The following CFAP46 variants were observed in gnomAD, a reference collection of about 807,000 sequenced individuals.
The protein encoded by CFAP46 is cilia and flagella associated protein 46.
Under a neutral mutation model 325.7 loss-of-function variants are expected in CFAP46, and 245 were observed. That is an observed-to-expected ratio of 0.75 (90% CI 0.68 to 0.84). The LOEUF (loss-of-function observed/expected upper bound fraction) is 0.84, where lower values mean the gene tolerates loss of function less well. CFAP46 is among the 40% of genes least tolerant of loss of function. The pLI is 0.00. For synonymous variants in CFAP46, 1,523 were observed against 1,495.9 expected (o/e 1.02, Z -0.42); for missense variants, 3,346 against 3,543.0 (o/e 0.94, Z 1.41).
intron 48 of CFAP46, among the ~76,000 whole-genome samples, 164 bp downstream of exon 48, chr10:132,834,490 G>GCAGAAC (rs1848204600): frequency 6.6e-6 from 1 of 152,234 alleles, no homozygotes; most frequent in African/African-American, 2.4e-5. Context: ...AGGAATGGAG[G>GCAGAAC]CAGAACCAGA....
intron 10 of CFAP46, among the ~76,000 whole-genome samples, chr10:132,925,788 G>A (rs566039630): frequency 2.0e-5 from 3 of 152,244 alleles, no homozygotes; most frequent in South Asian, 2.1e-4. Context: ...GGATGGATGC[G>A]TTAGGAGTGG....
intron 22 of CFAP46, among the ~76,000 whole-genome samples, chr10:132,907,550 A>G (rs1001355494): frequency 1.3e-5 from 2 of 152,240 alleles, no homozygotes; most frequent in Non-Finnish European, 2.9e-5. Flanking sequence ...TTCAAATTTA[A>G]TTAGCGTGCA....
chr10:132,852,912 A>G (rs1306777066), intron 39 of CFAP46, among the ~76,000 whole-genome samples: 1 of 152,260 alleles, frequency 6.6e-6, no homozygotes, highest in African/African-American at 2.4e-5. Context: ...TATATCCTGC[A>G]ACCTTACAAA....
At chr10:132,935,143 G>A (rs964416291) in intron 7 of CFAP46, among the ~76,000 whole-genome samples, 6 of 152,084 alleles carry the variant, frequency 3.9e-5, no homozygotes, top group Admixed American at 2.6e-4. Context: ...GCCAAACACG[G>A]GAAATGTGGG....
At chr10:132,906,599 C>T (rs1380469463) in intron 22 of CFAP46, among the ~76,000 whole-genome samples, 2 of 59,470 alleles carry the variant, frequency 3.4e-5, no homozygotes, top group African/African-American at 1.3e-4. Context: ...GGGGTCCTGG[C>T]GCGTGATGCC....
chr10:132,835,225 C>A (rs1360047526), intron 47 of CFAP46, 79 bp downstream of exon 47: 5 of 1,563,684 alleles, frequency 3.2e-6, no homozygotes, highest in South Asian at 1.2e-5. Context: ...CCCCTCCCCC[C>A]ACCTCGCCAG....
chr10:132,938,091 T>G (rs1455491646), intron 5 of CFAP46, among the ~76,000 whole-genome samples: 1 of 152,158 alleles, frequency 6.6e-6, no homozygotes, highest in Non-Finnish European at 1.5e-5. Flanking sequence ...CCCGTTTCCT[T>G]TCCGCCGCCC....
At chr10:132,879,886 G>A (rs1281202807) in intron 28 of CFAP46, among the ~76,000 whole-genome samples, 1 of 152,110 alleles carries the variant, frequency 6.6e-6, no homozygotes, top group Non-Finnish European at 1.5e-5. Context: ...CCCAGACCCC[G>A]AGAGCTCTCC....
rs1045257958 is a variant in CFAP46, at chr10:132,868,933, G to A, written c.4610+341C>T. ...CTCCTGCCTGAAGGCTGCCGGAGAC[G>A]GGAGTGGCCTGACCGAGCACTGCCT... is the stretch of plus-strand genomic sequence containing the variant. On this transcript the variant is annotated intron_variant, in intron 33 of 57. Transcript: ENST00000368586. 3.9e-5 allele frequency among the ~76,000 whole-genome samples: 6 copies of A among 152,192 alleles called. No individual in the cohort carries two copies. In the East Asian group the frequency reaches 5.8e-4, roughly 15 times the overall value.
chr10:132,822,610 G>GTCTGTGCGC (rs1179091252), intron 50 of CFAP46, among the ~76,000 whole-genome samples: 95 of 145,224 alleles, frequency 6.5e-4, no homozygotes, highest in South Asian at 5.0e-3. Context: ...GATGTGTGCT[G>GTCTGTGCGC]TGTGTTGTGT....
At chr10:132,926,835 G>A (rs564907058) in intron 9 of CFAP46, among the ~76,000 whole-genome samples, 169 bp from the exon 10 acceptor site, 110 of 152,334 alleles carry the variant, frequency 7.2e-4, no homozygotes, top group African/African-American at 2.3e-3. Flanking sequence ...TGAGGAAGCC[G>A]TGTTTTCAGC....
At chr10:132,857,545 G>C in intron 39 of CFAP46, 45 bp downstream of exon 39, 1 of 1,582,466 alleles carries the variant, frequency 6.3e-7, no homozygotes, top group Non-Finnish European at 8.6e-7. Flanking sequence ...TTTATATCCC[G>C]GTGGGAGTGA....
rs542270997 is a variant in CFAP46 at position 132,900,641 on chromosome 10, G to A, written c.2925-975C>T. Among the ~76,000 whole-genome samples, 32 of 152,372 alleles carry A rather than the reference G, an allele frequency of 2.1e-4. No homozygotes were observed. In the East Asian group the frequency reaches 2.9e-3, roughly 14 times the overall value. ...GGGCCTGCAGTGCCCAATGCAAGCC[G>A]GTGGTCTGAAGCTGAAACCACCTTC... On this transcript the variant is annotated intron_variant, in intron 22 of 57. Transcript: ENST00000368586.
intron 47 of CFAP46, 56 bp from the exon 48 acceptor site, chr10:132,834,831 C>T: frequency 4.5e-6 from 7 of 1,571,458 alleles, no homozygotes; most frequent in Non-Finnish European, 6.1e-6. Context: ...GGCCCAGACC[C>T]CGCGAGGGCC....
intron 4 of CFAP46, 76 bp downstream of exon 4, chr10:132,940,920 T>C: frequency 1.4e-6 from 2 of 1,414,546 alleles, no homozygotes; most frequent in Non-Finnish European, 2.0e-6. Context: ...TTCAAATAAA[T>C]ACACCCACTT....
At chr10:132,924,533 C>T (rs1045816111) in intron 11 of CFAP46, among the ~76,000 whole-genome samples, 163 bp downstream of exon 11, 2 of 152,250 alleles carry the variant, frequency 1.3e-5, no homozygotes, top group Non-Finnish European at 2.9e-5. Context: ...ACCCGACGTG[C>T]CTGGCCCGGA....
intron 50 of CFAP46, among the ~76,000 whole-genome samples, chr10:132,821,219 CTGTGTGTGT>C (rs1847810198): frequency 9.3e-6 from 1 of 107,374 alleles, no homozygotes; most frequent in Non-Finnish European, 1.8e-5. Flanking sequence ...GTGCTGTGTG[CTGTGTGTGT>C]GCTGATGTGT....
Position 132,851,175 on chromosome 10 carries a change from A to G in CFAP46, c.5705T>C (p.Leu1902Pro), listed in dbSNP as rs1848536419. ...AHGQQSEQGSLEKLLADYLQN... is the reference protein window; with the variant it reads ...AHGQQSEQGSPEKLLADYLQN... ...CAGATAGTCCGCCAGCAGCTTCTCC[A>G]GGGACCCCTGCTCACTCTGCTGCCC... The change falls in exon 40 of 58, where the codon CTG becomes CCG. Residue 1902 changes from leucine (L) to proline (P), a missense_variant. By Grantham distance (98) the Leu-to-Pro change is moderately conservative. Transcript: ENST00000368586. 1 of 1,614,066 alleles carries G rather than the reference A, an allele frequency of 6.2e-7. No individual in the cohort carries two copies. The highest frequency in any genetic ancestry group is 1.1e-5 in the South Asian group (1 of 91,080).
chr10:132,853,977 C>T (rs968627411), intron 39 of CFAP46, among the ~76,000 whole-genome samples: 1 of 151,552 alleles, frequency 6.6e-6, no homozygotes, highest in Non-Finnish European at 1.5e-5. Flanking sequence ...CATTACTTTT[C>T]TCTTTTATTT....
Sources: gnomAD v4.1 joint callset for allele counts (sites outside exome capture counted in the v4.1 genomes callset) on GRCh38, gnomAD v4.1.1 for gene constraint, MANE v1.5 for transcripts, NCBI Gene and HGNC (gene_info 2026-07-23, HGNC 2026-07-21) for gene names.